Variants in PRKACB observed in about 807,000 individuals in gnomAD.
PRKACB encodes protein kinase cAMP-activated catalytic subunit beta, also known as cAMP-dependent protein kinase catalytic subunit beta.
PRKACB carries 16 observed loss-of-function variants against 51.4 expected under a neutral mutation model. That is an observed-to-expected ratio of 0.31 (90% CI 0.21 to 0.47). The LOEUF is 0.47. Among genes scored for constraint, PRKACB ranks in the 20% least tolerant of loss-of-function variants. The pLI is 1.00. For missense variants in PRKACB, 309 were observed against 464.5 expected (o/e 0.67, Z 3.08); for synonymous variants, 147 against 154.4 (o/e 0.95, Z 0.35).
chr1:84,156,773 A>G (rs574655373), intron 1 of PRKACB, among the ~76,000 whole-genome samples: 3 of 152,204 alleles, frequency 2.0e-5, no homozygotes, highest in Non-Finnish European at 4.4e-5. Context: ...AAATATCTGG[A>G]CTTTCATATT....
At chr1:84,219,735 C>A (rs1348168204) in intron 9 of PRKACB, among the ~76,000 whole-genome samples, 1 of 151,154 alleles carries the variant, frequency 6.6e-6, no homozygotes, top group Non-Finnish European at 1.5e-5. Context: ...GTTCTTGATG[C>A]CTTTGTCAAA....
chr1:84,202,666 G>C lies in PRKACB; in HGVS notation c.784-17G>C. On this transcript the variant is annotated splice_polypyrimidine_tract_variant and intron_variant, in intron 7 of 9. Transcript: ENST00000370685. The stretch of plus-strand genomic sequence containing the variant: ...GTAACTTAAGTAACAATTGACATTG[G>C]TGTTGGTTTATCTCAGGGCTACAAT... 1.3e-6 allele frequency: 2 copies of C among 1,582,500 alleles called. No individual in the cohort carries two copies. The highest frequency in any genetic ancestry group is 4.5e-5 in the East Asian group (2 of 44,198).
intron 1 of PRKACB, among the ~76,000 whole-genome samples, chr1:84,135,685 A>C (rs1465624140): frequency 2.0e-5 from 3 of 152,196 alleles, no homozygotes; most frequent in Non-Finnish European, 4.4e-5. Context: ...AGAAGCCTCC[A>C]GAGAAATTTT....
chr1:84,116,795 C>T (rs1395653581), intron 1 of PRKACB, among the ~76,000 whole-genome samples: 2 of 152,062 alleles, frequency 1.3e-5, no homozygotes, highest in East Asian at 1.9e-4. Flanking sequence ...TCTCCAATTT[C>T]GATGCCTTTT....
intron 1 of PRKACB, among the ~76,000 whole-genome samples, chr1:84,149,600 T>G (rs1654580212): frequency 6.6e-6 from 1 of 152,186 alleles, no homozygotes; most frequent in Admixed American, 6.5e-5. Flanking sequence ...TAATGTTTAG[T>G]TAACATTTTT....
chr1:84,139,931 G>A (rs1653233909), upstream of PRKACB, among the ~76,000 whole-genome samples: 3 of 152,074 alleles, frequency 2.0e-5, no homozygotes, highest in Admixed American at 2.0e-4. Flanking sequence ...GTGGTGGCAT[G>A]CATCTGTAGT....
chr1:84,143,307 C>G (rs907769873), upstream of PRKACB, among the ~76,000 whole-genome samples: 3 of 152,028 alleles, frequency 2.0e-5, no homozygotes, highest in Non-Finnish European at 2.9e-5. Flanking sequence ...CAAAAATTAG[C>G]CGGGCATGGT....
intron 1 of PRKACB, among the ~76,000 whole-genome samples, chr1:84,127,058 A>C (rs1651681766): frequency 6.6e-6 from 1 of 152,112 alleles, no homozygotes; most frequent in Non-Finnish European, 1.5e-5. Context: ...CTGGGTCTTT[A>C]ATTCCCAGCT....
At position 84,235,781 on chromosome 1, in the gene PRKACB, G is replaced by C. The variant is rs1442865321; in HGVS notation, c.*476G>C. 6.5e-6 allele frequency: 1 copy of C among 152,894 alleles called. No individual in the cohort carries two copies. Among genetic ancestry groups the C allele is most frequent in the Non-Finnish European group, 1.5e-5 (1 of 68,344 alleles). 9.5% of individuals were successfully genotyped at this position (152,894 alleles called of 1,614,324 possible). On this transcript the variant is annotated 3_prime_UTR_variant, in exon 10 of 10. Coordinates refer to ENST00000370685, the MANE Select transcript of PRKACB (RefSeq NM_182948.4). ...TTATTTCTTTGAGTAGCTCAGACTT[G>C]GTTTTGCCAAAACTCTTGGTAATTT...
chr1:84,197,413 T>A (rs1296668272), intron 6 of PRKACB, among the ~76,000 whole-genome samples: 1 of 152,172 alleles, frequency 6.6e-6, no homozygotes, highest in Non-Finnish European at 1.5e-5. Context: ...GTTTCATTTT[T>A]ATTAATGCTA....
chr1:84,179,586 C>T (rs947286586), intron 2 of PRKACB, among the ~76,000 whole-genome samples: 3 of 151,674 alleles, frequency 2.0e-5, no homozygotes, highest in Admixed American at 1.3e-4. Context: ...TCCTTACGTA[C>T]AGTTTAAAAT....
intron 1 of PRKACB, among the ~76,000 whole-genome samples, chr1:84,130,184 C>T (rs1184360687): frequency 2.1e-4 from 22 of 102,810 alleles, no homozygotes; most frequent in African/African-American, 5.5e-4. Context: ...AGCGAGACTC[C>T]GTCTCAAAAA....
At chr1:84,112,225 C>CTTTTTTT (rs905575496) in intron 1 of PRKACB, among the ~76,000 whole-genome samples, 52 of 120,040 alleles carry the variant, frequency 4.3e-4, no homozygotes, top group African/African-American at 7.8e-4. Context: ...TGGACTGCTT[C>CTTTTTTT]TTTTTTTTTT....
chr1:84,225,367 C>A (rs1186873699), intron 9 of PRKACB, among the ~76,000 whole-genome samples: 1 of 152,146 alleles, frequency 6.6e-6, no homozygotes, highest in East Asian at 1.9e-4. Context: ...GGAGTGTATG[C>A]TTTGGCTTCC....
At chr1:84,085,901 C>T (rs1647937459) in intron 1 of PRKACB, 1 of 649,828 alleles carries the variant, frequency 1.5e-6, no homozygotes, top group South Asian at 1.8e-5. Context: ...ACCATATACA[C>T]CACCAGCATC....
intron 1 of PRKACB, among the ~76,000 whole-genome samples, chr1:84,128,011 T>C (rs895388676): frequency 1.4e-5 from 2 of 140,266 alleles, no homozygotes; most frequent in Admixed American, 6.9e-5. Flanking sequence ...TTTTTTCTTT[T>C]TTTTTTTTTT....
At chr1:84,091,657 G>A (rs554684413) in intron 1 of PRKACB, among the ~76,000 whole-genome samples, 5 of 151,794 alleles carry the variant, frequency 3.3e-5, no homozygotes, top group East Asian at 3.9e-4. Context: ...GGTGTGTGCC[G>A]CCCTGCCTGG....
intron 1 of PRKACB, among the ~76,000 whole-genome samples, chr1:84,145,338 T>C (rs1653912781): frequency 6.6e-6 from 1 of 152,096 alleles, no homozygotes; most frequent in Non-Finnish European, 1.5e-5. Context: ...TGACTCCAAT[T>C]AGAGGAACAA....
At chr1:84,171,588 G>T (rs115442967) in intron 1 of PRKACB, among the ~76,000 whole-genome samples, 1,908 of 151,686 alleles carry the variant, frequency 0.013, 54 homozygotes, top group African/African-American at 0.044. Context: ...TACAAGTCAA[G>T]TATAGGAAAA....
Sources: gnomAD v4.1 joint callset for allele counts (sites outside exome capture counted in the v4.1 genomes callset) on GRCh38, gnomAD v4.1.1 for gene constraint, MANE v1.5 for transcripts, NCBI Gene and HGNC (gene_info 2026-07-23, HGNC 2026-07-21) for gene names.